Variants in LHFPL3 observed in about 807,000 individuals in gnomAD.
LHFPL3 encodes the protein LHFPL tetraspan subfamily member 3, also known as LHFPL tetraspan subfamily member 3 protein.
Under a neutral mutation model 19.3 loss-of-function variants are expected in LHFPL3, and 5 were observed. The observed-to-expected ratio is 0.26, with a 90% CI of 0.14 to 0.54. The LOEUF (loss-of-function observed/expected upper bound fraction) is 0.54. Ranked by LOEUF, LHFPL3 falls within the 20% of genes least tolerant of loss-of-function variation. The pLI is 0.94. For synonymous variants in LHFPL3, 133 were observed against 126.2 expected, an observed-to-expected ratio of 1.05 and a Z score of -0.36; for missense variants, 249 against 307.4, an observed-to-expected ratio of 0.81 and a Z score of 1.42.
chr7:104,409,895 C>G (rs147013135), intron 1 of LHFPL3, among the ~76,000 whole-genome samples: 104 of 151,992 alleles, frequency 6.8e-4, no homozygotes, highest in African/African-American at 2.4e-3. Context: ...TGCTCTCCTG[C>G]CCACTTTGCT....
intron 2 of LHFPL3, chr7:104,785,504 A>C (rs913978274): frequency 6.6e-6 from 1 of 152,288 alleles, no homozygotes; most frequent in African/African-American, 2.4e-5. Context: ...TGACTGTCCC[A>C]TAGGTCCCTC....
intron 1 of LHFPL3, among the ~76,000 whole-genome samples, chr7:104,726,578 C>T (rs530110567): frequency 6.6e-6 from 1 of 152,124 alleles, no homozygotes; most frequent in South Asian, 2.1e-4. Flanking sequence ...TGAGACCATG[C>T]AGTGTCTGGT....
At chr7:104,855,184 C>G (rs116669794) in intron 2 of LHFPL3, among the ~76,000 whole-genome samples, 2 of 152,170 alleles carry the variant, frequency 1.3e-5, no homozygotes, top group African/African-American at 4.8e-5. Flanking sequence ...GAGGGGAGAG[C>G]GATACCGTGA....
intron 1 of LHFPL3, among the ~76,000 whole-genome samples, chr7:104,680,926 G>A (rs1562964462): frequency 1.3e-5 from 2 of 152,072 alleles, no homozygotes; most frequent in Admixed American, 6.6e-5. Context: ...TTAAACAACC[G>A]AGCTACTGAT....
intron 2 of LHFPL3, among the ~76,000 whole-genome samples, chr7:104,746,528 A>C (rs1166417171): frequency 6.6e-6 from 1 of 152,206 alleles, no homozygotes; most frequent in South Asian, 2.1e-4. Flanking sequence ...TTATAATTAG[A>C]AATCAGTAAG....
rs79266011 is a variant in LHFPL3 at position 104,445,486 on chromosome 7, C to G, written c.445+116262C>G. Among the ~76,000 whole-genome samples, 829 of 152,286 alleles carry G rather than the reference C, an allele frequency of 5.4e-3. 49 individuals carry two copies. The East Asian group carries it at 0.13, about 24-fold the overall frequency. ...TAAATGCAGTAATCAATCCAGTTAA[C>G]ACAGGGCCTGGCACACAATAAATGT... On this transcript the variant is annotated intron_variant, in intron 1 of 2. Transcript: ENST00000424859.
intron 1 of LHFPL3, among the ~76,000 whole-genome samples, chr7:104,475,624 G>A (rs1792994965): frequency 6.6e-6 from 1 of 152,046 alleles, no homozygotes; most frequent in African/African-American, 2.4e-5. Flanking sequence ...TCACAGAAAG[G>A]GCTCTGTGGC....
intron 1 of LHFPL3, among the ~76,000 whole-genome samples, chr7:104,723,079 A>G (rs1488979844): frequency 3.3e-5 from 5 of 152,140 alleles, no homozygotes; most frequent in African/African-American, 1.2e-4. Flanking sequence ...ACCCAATTAC[A>G]AAGGTTTGTG....
intron 2 of LHFPL3, among the ~76,000 whole-genome samples, chr7:104,876,349 C>T (rs1237807078): frequency 1.3e-5 from 2 of 152,148 alleles, no homozygotes; most frequent in African/African-American, 4.8e-5. Context: ...AGGCAACCTA[C>T]AGAATGGGAG....
chr7:104,479,789 C>T (rs1275521456), intron 1 of LHFPL3, among the ~76,000 whole-genome samples: 1 of 152,200 alleles, frequency 6.6e-6, no homozygotes, highest in African/African-American at 2.4e-5. Flanking sequence ...CTTGAGGCTT[C>T]CCTGCTCTAG....
At chr7:104,866,986 T>C (rs936514954) in intron 2 of LHFPL3, among the ~76,000 whole-genome samples, 2 of 152,080 alleles carry the variant, frequency 1.3e-5, no homozygotes, top group Admixed American at 6.5e-5. Context: ...ACTGGGTACA[T>C]AAAGAAATGA....
At chr7:104,618,693 A>G (rs975917186) in intron 1 of LHFPL3, among the ~76,000 whole-genome samples, 1 of 152,148 alleles carries the variant, frequency 6.6e-6, no homozygotes, top group African/African-American at 2.4e-5. Context: ...TCTTGTTTTC[A>G]AGGAGAGAAG....
At chr7:104,410,166 CTT>C (rs781261868) in intron 1 of LHFPL3, among the ~76,000 whole-genome samples, 5 of 152,026 alleles carry the variant, frequency 3.3e-5, no homozygotes, top group Non-Finnish European at 7.4e-5. Flanking sequence ...AGTTTTTGCT[CTT>C]GTTGCCCAGG....
chr7:104,392,313 G>A lies in LHFPL3; in HGVS notation c.445+63089G>A, dbSNP rs1440403084. On this transcript the variant is annotated intron_variant, in intron 1 of 2. Coordinates refer to ENST00000424859, the MANE Select transcript of LHFPL3 (RefSeq NM_199000.3). Reference sequence around the variant, plus strand: ...TTTTTGCCCATTCAGTATGATATTGGCTGTGGGTTTGTCATAGATAGCTCT... The same window carrying A: ...TTTTTGCCCATTCAGTATGATATTGACTGTGGGTTTGTCATAGATAGCTCT... Among the ~76,000 whole-genome samples the A allele has an allele frequency of 2.6e-5, 4 of 151,962 alleles. No individual in the cohort carries two copies. In the East Asian group the frequency reaches 7.7e-4, roughly 29 times the overall value.
chr7:104,669,442 C>T, intron 1 of LHFPL3: 2 of 1,613,186 alleles, frequency 1.2e-6, no homozygotes, highest in Non-Finnish European at 1.7e-6. Context: ...CAAAAAGGAT[C>T]AAGACTCCAG....
At chr7:104,870,352 A>C (rs1164178599) in intron 2 of LHFPL3, among the ~76,000 whole-genome samples, 1 of 152,216 alleles carries the variant, frequency 6.6e-6, no homozygotes, top group Non-Finnish European at 1.5e-5. Context: ...TTCAAATTCT[A>C]GCTCTACCAC....
At chr7:104,520,158 G>A (rs573789808) in intron 1 of LHFPL3, among the ~76,000 whole-genome samples, 4 of 151,964 alleles carry the variant, frequency 2.6e-5, no homozygotes, top group Admixed American at 6.6e-5. Flanking sequence ...TAGCATGAAG[G>A]GTTGTTGAAT....
At chr7:104,412,592 G>T (rs568114756) in intron 1 of LHFPL3, among the ~76,000 whole-genome samples, 1 of 152,056 alleles carries the variant, frequency 6.6e-6, no homozygotes, top group East Asian at 1.9e-4. Context: ...GCAGGGAGTG[G>T]TCTCAGACCT....
chr7:104,694,326 G>C (rs73415627), intron 1 of LHFPL3, among the ~76,000 whole-genome samples: 2,489 of 152,222 alleles, frequency 0.016, 73 homozygotes, highest in African/African-American at 0.057. Flanking sequence ...ATCTAAAAAT[G>C]CTTTTACAGG....
Sources: allele counts gnomAD v4.1 joint callset (sites outside exome capture counted in the v4.1 genomes callset), GRCh38; gene constraint gnomAD v4.1.1; transcripts MANE v1.5; gene names NCBI Gene and HGNC (gene_info 2026-07-23, HGNC 2026-07-21).